SIRPA: variants seen among roughly 807,000 people sequenced by gnomAD.
SIRPA encodes the protein signal regulatory protein alpha.
A neutral mutation model predicts 50.3 loss-of-function variants in SIRPA; 9 were observed. That is an observed-to-expected ratio of 0.18 (90% CI 0.11 to 0.31). SIRPA has a LOEUF of 0.31. Among genes scored for constraint, SIRPA ranks in the 10% least tolerant of loss-of-function variants. The probability of loss-of-function intolerance (pLI) is 1.00; values close to 1 mark genes in which losing one functional copy is unlikely to be tolerated. For missense variants in SIRPA, 474 were observed against 661.6 expected (o/e 0.72, Z 3.11); for synonymous variants, 265 against 284.1 (o/e 0.93, Z 0.68).
At chr20:1,911,475 A>G (rs1045424546) in intron 1 of SIRPA, among the ~76,000 whole-genome samples, 12 of 152,164 alleles carry the variant, frequency 7.9e-5, no homozygotes, top group Non-Finnish European at 1.3e-4. Flanking sequence ...AAATTTCTAT[A>G]TGACCACCGT....
chr20:1,918,360 CTTTTT>C (rs60736526), intron 2 of SIRPA, among the ~76,000 whole-genome samples: 1 of 95,696 alleles, frequency 1.0e-5, no homozygotes, highest in Non-Finnish European at 2.0e-5. Context: ...ACCACACCAG[CTTTTT>C]TTTTTTTTTT....
chr20:1,895,510 G>T lies in SIRPA; in HGVS notation c.63G>T (p.Ala21=). Residue 21 remains alanine, a synonymous_variant, in exon 1 of 8, where the codon GCG becomes GCT. Transcript: ENST00000358771. ...LGPLLCLLLA[A]SCAWSGVAGE... ...CGCTGCTCTGCCTGCTGCTCGCCGC[G>T]TCCTGCGCCTGGTCAGGTAAGCACC... The T allele has an allele frequency of 6.8e-7, 1 of 1,460,020 alleles. No individual in the cohort carries two copies. 90.4% of individuals were successfully genotyped at this position (1,460,020 alleles called of 1,614,324 possible).
rs183144771 is a variant in SIRPA, at chr20:1,921,570, C to G, written c.612C>G (p.Ser204Arg). ...FQTNVDPVGE[S>R]VSYSIHSTAK... ...CCAACGTGGACCCCGTAGGAGAGAG[C>G]GTGTCCTACAGCATCCACAGCACAG... The change falls in exon 3 of 8, where the codon AGC (serine) becomes AGG (arginine). Residue 204 changes from serine to arginine, a missense_variant. By Grantham distance (110) the Ser-to-Arg change is moderately radical. This residue lies in a region of SIRPA where 221 missense variants were observed against 359.9 expected (regional missense o/e 0.61). Coordinates refer to ENST00000358771, the MANE Select transcript of SIRPA (RefSeq NM_001040023.2). 5 of 1,614,244 alleles carry G rather than the reference C, an allele frequency of 3.1e-6. No homozygotes were observed. Among genetic ancestry groups the G allele is most frequent in the Non-Finnish European group, 4.2e-6 (5 of 1,180,052 alleles).
At position 1,936,955 on chromosome 20, in the gene SIRPA, T is replaced by TA. The variant is rs1986609428; in HGVS notation, c.1267-364dup. ...ATTTACATGGTGGATTGGGATTTGT[T>TA]ACAAGGAGAAGCAGGACAGACACCC... On this transcript the variant is annotated intron_variant, in intron 7 of 7. Coordinates refer to ENST00000358771, the MANE Select transcript of SIRPA (RefSeq NM_001040023.2). This position sits in a 1 kb window ranked among gnomAD's most constrained non-coding sequence, Gnocchi z 4.2. Among the ~76,000 whole-genome samples the TA allele has an allele frequency of 1.3e-5, 2 of 151,984 alleles. No homozygotes were observed. The highest frequency in any genetic ancestry group is 2.4e-5 in the African/African-American group (1 of 41,360).
chr20:1,915,162 G>A lies in SIRPA; in HGVS notation c.143G>A (p.Gly48Glu), dbSNP rs766744865. ...GACAAGTCCGTGTTGGTTGCAGCTG[G>A]AGAGACAGCCACTCTGCGCTGCACT... ...QPDKSVLVAA[G>E]ETATLRCTAT... is the part of the protein sequence containing the mutation. Residue 48 changes from glycine to glutamate, a missense_variant, in exon 2 of 8, where the codon GGA becomes GAA. Gly to Glu is a moderately conservative substitution (Grantham distance 98). Transcript: ENST00000358771. The A allele has an allele frequency of 2.7e-6, 4 of 1,470,642 alleles. 1 individual carries two copies. Among genetic ancestry groups the A allele is most frequent in the Non-Finnish European group, 2.8e-6 (3 of 1,067,294 alleles). The allele number at this position is 1,470,642 out of a possible 1,614,324, so 91.1% of individuals were successfully genotyped here. A position where few individuals can be genotyped will look rare whatever the true frequency, so the allele number is the denominator to read the frequency against.
chr20:1,936,943 A>G lies in SIRPA; in HGVS notation c.1267-377A>G, dbSNP rs1231954410. Among the ~76,000 whole-genome samples, 1 of 152,014 alleles carries G rather than the reference A, an allele frequency of 6.6e-6. No homozygotes were observed. The highest frequency in any genetic ancestry group is 1.9e-4 in the East Asian group (1 of 5,154). ...GCTTCATCTGAAATTTACATGGTGGATTGGGATTTGTTACAAGGAGAAGCA... is the reference window on the plus strand; with the variant it reads ...GCTTCATCTGAAATTTACATGGTGGGTTGGGATTTGTTACAAGGAGAAGCA... On this transcript the variant is annotated intron_variant, in intron 7 of 7. Transcript: ENST00000358771. The surrounding 1 kb of genome is among the most constrained non-coding windows in gnomAD (Gnocchi z 4.2).
chr20:1,903,665 G>C (rs1600397028), intron 1 of SIRPA, among the ~76,000 whole-genome samples: 1 of 152,154 alleles, frequency 6.6e-6, no homozygotes, highest in East Asian at 1.9e-4. Context: ...CCCTTCACCA[G>C]CTTCTTTCCC....
chr20:1,910,342 TACTTTTTA>T (rs1353112330), intron 1 of SIRPA, among the ~76,000 whole-genome samples: 1 of 127,756 alleles, frequency 7.8e-6, no homozygotes, highest in African/African-American at 2.8e-5. Context: ...TTTGTTTCAT[TACTTTTTA>T]ACTTTTTTCC....
chr20:1,925,234 C>A (rs1985911367), intron 5 of SIRPA, among the ~76,000 whole-genome samples: 1 of 152,212 alleles, frequency 6.6e-6, no homozygotes, highest in Admixed American at 6.5e-5. Context: ...CTTCTGCTTT[C>A]CTGGTACAAG....
intron 2 of SIRPA, among the ~76,000 whole-genome samples, chr20:1,916,480 G>A (rs961777351): frequency 1.7e-4 from 26 of 152,144 alleles, no homozygotes; most frequent in Admixed American, 5.9e-4. Flanking sequence ...CATAGGTGCC[G>A]ACTGAAAGCT....
chr20:1,909,889 AAT>A (rs1984786691), intron 1 of SIRPA, among the ~76,000 whole-genome samples: 1 of 152,184 alleles, frequency 6.6e-6, no homozygotes, highest in South Asian at 2.1e-4. Flanking sequence ...TAAGAAATCA[AAT>A]ATATTTTCTA....
Position 1,936,815 on chromosome 20 carries a change from G to A in SIRPA, c.1267-505G>A, listed in dbSNP as rs912117855. Among the ~76,000 whole-genome samples, 48 of 152,158 alleles carry A rather than the reference G, an allele frequency of 3.2e-4. No homozygotes were observed. The highest frequency in any genetic ancestry group is 1.1e-3 in the African/African-American group (45 of 41,412). ...CCAAACAGACATGGTCCTGGGTAGC[G>A]GGCCCTGTGATGGAAAACAAACATG... On this transcript the variant is annotated intron_variant, in intron 7 of 7. Coordinates refer to ENST00000358771, the MANE Select transcript of SIRPA (RefSeq NM_001040023.2). The surrounding 1 kb of genome is among the most constrained non-coding windows in gnomAD (Gnocchi z 4.2).
rs1220123411 is a variant in SIRPA, at chr20:1,896,092, TAACCC to T, written c.79+567_79+571del. 2.0e-5 allele frequency among the ~76,000 whole-genome samples: 3 copies of T among 152,172 alleles called. No individual in the cohort carries two copies. In the East Asian group the frequency reaches 5.8e-4, roughly 29 times the overall value. On this transcript the variant is annotated intron_variant, in intron 1 of 7. Transcript: ENST00000358771. ...GAGAGAGGGAGCCGGGAGGCCGCGG[TAACCC>T]CAGAGCGAGCTGCTGCGAGCAACAG...
chr20:1,902,873 A>G (rs1347534251), intron 1 of SIRPA, among the ~76,000 whole-genome samples: 3 of 152,104 alleles, frequency 2.0e-5, no homozygotes, highest in African/African-American at 7.2e-5. Flanking sequence ...TTAGCCGGGC[A>G]TGGTGGCGTG....
intron 4 of SIRPA, 108 bp downstream of exon 4, chr20:1,922,753 CTATAAA>C (rs1173170483): frequency 2.3e-6 from 3 of 1,285,212 alleles, no homozygotes; most frequent in African/African-American, 3.0e-5. Flanking sequence ...ATCTAGAAGT[CTATAAA>C]TATAAAGTAG....
At chr20:1,910,225 A>G (rs1184495422) in intron 1 of SIRPA, among the ~76,000 whole-genome samples, 2 of 152,210 alleles carry the variant, frequency 1.3e-5, no homozygotes, top group African/African-American at 2.4e-5. Context: ...AGGATCCAGA[A>G]TGCAGCACTG....
chr20:1,918,400 C>T (rs570586134), intron 2 of SIRPA, among the ~76,000 whole-genome samples: 38 of 125,616 alleles, frequency 3.0e-4, no homozygotes, highest in Non-Finnish European at 4.8e-4. Context: ...TTAGTAGAGA[C>T]ATGGTTTCAT....
intron 1 of SIRPA, among the ~76,000 whole-genome samples, chr20:1,913,892 A>G (rs373478588): frequency 8.5e-4 from 129 of 152,014 alleles, no homozygotes; most frequent in African/African-American, 2.7e-3. Context: ...GTGCACCCCA[A>G]TCTCTCCACC....
In SIRPA at chr20:1,938,110, T is replaced by C; in HGVS notation, c.*542T>C. On this transcript the variant is annotated 3_prime_UTR_variant, in exon 8 of 8. Coordinates refer to ENST00000358771, the MANE Select transcript of SIRPA (RefSeq NM_001040023.2). ...AGCTGGAAAAAAACTCTGGAACCCA[T>C]ATCCAGGCTTGGTGAGGTTGCTGCC... 1 of 156,514 alleles carries C rather than the reference T, an allele frequency of 6.4e-6. No individual in the cohort carries two copies. Among genetic ancestry groups the C allele is most frequent in the South Asian group, 1.7e-4 (1 of 5,826 alleles). The allele number at this position is 156,514 out of a possible 1,614,324, so 9.7% of individuals were successfully genotyped here.
Sources: gnomAD v4.1 joint callset for allele counts (sites outside exome capture counted in the v4.1 genomes callset) on GRCh38, gnomAD v4.1.1 for gene constraint, gnomAD v4.1.1 regional missense constraint, Gnocchi (gnomAD v3.1) non-coding constraint, MANE v1.5 for transcripts, NCBI Gene and HGNC (gene_info 2026-07-23, HGNC 2026-07-21) for gene names.